Variants in KANK1 observed in about 807,000 individuals in gnomAD.
The protein encoded by KANK1 is KN motif and ankyrin repeat domain-containing protein 1.
Under a neutral mutation model 106.2 loss-of-function variants are expected in KANK1, and 109 were observed. The observed-to-expected ratio is 1.03, with a 90% CI of 0.88 to 1.20. The LOEUF (loss-of-function observed/expected upper bound fraction) is 1.20, where lower values mean the gene tolerates loss of function less well. KANK1 is among the 50% of genes most tolerant of loss of function. The pLI is 0.00. For synonymous variants in KANK1, 873 were observed against 652.2 expected, an observed-to-expected ratio of 1.34 and a Z score of -5.16; for missense variants, 2,399 against 1,710.7, an observed-to-expected ratio of 1.40 and a Z score of -7.10.
At chr9:695,898 T>C (rs1292929312) in intron 2 of KANK1, among the ~76,000 whole-genome samples, 1 of 152,176 alleles carries the variant, frequency 6.6e-6, no homozygotes, top group Non-Finnish European at 1.5e-5. Context: ...TCCTCTGTTA[T>C]ACTTATTCAT....
chr9:586,033 G>C (rs1322883511), intron 1 of KANK1, among the ~76,000 whole-genome samples: 3 of 152,142 alleles, frequency 2.0e-5, no homozygotes, highest in African/African-American at 7.2e-5. Context: ...CTGTAAGGTG[G>C]GATGGGAATA....
chr9:656,525 T>C (rs925458446), intron 1 of KANK1, among the ~76,000 whole-genome samples: 1 of 152,152 alleles, frequency 6.6e-6, no homozygotes, highest in African/African-American at 2.4e-5. Context: ...TCTGTGACCA[T>C]ACTGCTATTC....
intron 2 of KANK1, chr9:677,537 C>CTT (rs1404100553): frequency 2.0e-5 from 3 of 152,242 alleles, no homozygotes; most frequent in African/African-American, 7.2e-5. Context: ...ATATTAGAGA[C>CTT]TTACATAGTT....
chr9:712,072 TG>T lies in KANK1; in HGVS notation c.1307del (p.Cys436LeufsTer5). 1.2e-6 allele frequency: 2 copies of T among 1,614,046 alleles called. No individual in the cohort carries two copies. The highest frequency in any genetic ancestry group is 8.5e-7 in the Non-Finnish European group (1 of 1,180,006). Reference sequence around the variant, plus strand: ...AGGGACACTTGTTGAGATGAGAAATTGTGGGGTCAGCGTGACAGAGGCCATG... The same window carrying T: ...AGGGACACTTGTTGAGATGAGAAATTTGGGGTCAGCGTGACAGAGGCCATG... ...AVGTLVEMRN[C>X]GVSVTEAMLG... On this transcript the variant is annotated frameshift_variant, in exon 3 of 12. Transcript: ENST00000382297. LOFTEE classifies it high-confidence loss of function.
chr9:590,917 C>T (rs1282112840), intron 1 of KANK1, among the ~76,000 whole-genome samples: 1 of 151,734 alleles, frequency 6.6e-6, no homozygotes, highest in South Asian at 2.1e-4. Flanking sequence ...TACACATTGC[C>T]TGGAAGACTG....
rs1037775746 is a variant in KANK1 at position 521,193 on chromosome 9, C to T, written c.-84+16439C>T. 7.9e-5 allele frequency among the ~76,000 whole-genome samples: 12 copies of T among 151,662 alleles called. 1 individual carries two copies. The highest frequency in any genetic ancestry group is 2.0e-4 in the Admixed American group (3 of 15,260). ...TCATACATTGCTGTGAGGAACAGAA[C>T]GTTTGTGCCTCAATTGGTTATTCAC... On this transcript the variant is annotated intron_variant, in intron 1 of 11. Transcript: ENST00000382297.
chr9:738,404 C>G lies in KANK1; in HGVS notation c.3453C>G (p.Leu1151=). 6.2e-7 allele frequency: 1 copy of G among 1,614,160 alleles called. No individual in the cohort carries two copies. Among genetic ancestry groups the G allele is most frequent in the Non-Finnish European group, 8.5e-7 (1 of 1,180,026 alleles). The change falls in exon 8 of 12, where the codon CTC becomes CTG. Residue 1151 remains leucine (L), a synonymous_variant. Coordinates refer to ENST00000382297, the MANE Select transcript of KANK1 (RefSeq NM_015158.5). ...AAFEAISPDV[L]RYVINLADGN... ...TTGAGGCCATTTCCCCAGATGTCCTCCGCTATGTCATCAACTTGGCAGACG... is the reference window on the plus strand; with the variant it reads ...TTGAGGCCATTTCCCCAGATGTCCTGCGCTATGTCATCAACTTGGCAGACG...
chr9:607,759 A>G (rs1245039261), intron 1 of KANK1, among the ~76,000 whole-genome samples: 1 of 151,666 alleles, frequency 6.6e-6, no homozygotes, highest in African/African-American at 2.4e-5. Flanking sequence ...CTCCTAACTT[A>G]CTATGCTGGG....
intron 1 of KANK1, among the ~76,000 whole-genome samples, chr9:564,031 C>T (rs1257440932): frequency 6.6e-6 from 1 of 151,568 alleles, no homozygotes; most frequent in African/African-American, 2.4e-5. Flanking sequence ...TCGCGTCTGT[C>T]TCCTAGTGTC....
rs57171198 is a variant in KANK1, at chr9:529,220, AAT to A, written c.-84+24480_-84+24481del. On this transcript the variant is annotated intron_variant, in intron 1 of 11. Transcript: ENST00000382297. Reference sequence around the variant, plus strand: ...TCCTCCTTCCAGAGATAACTCTGTTAATATATATATATATACACACACACACA... The same window carrying A: ...TCCTCCTTCCAGAGATAACTCTGTTAATATATATATATACACACACACACA... 2.7e-3 allele frequency among the ~76,000 whole-genome samples: 392 copies of A among 144,204 alleles called. 5 individuals carry two copies. The highest frequency in any genetic ancestry group is 9.8e-3 in the African/African-American group (380 of 38,786). 94.6% of individuals were successfully genotyped at this position (144,204 alleles called of 152,430 possible).
At chr9:569,075 G>C (rs1252767984) in intron 1 of KANK1, among the ~76,000 whole-genome samples, 2 of 152,132 alleles carry the variant, frequency 1.3e-5, no homozygotes, top group Non-Finnish European at 2.9e-5. Context: ...TTGGGAGGCT[G>C]TTAGTGCAGA....
chr9:586,132 T>G (rs1333656805), intron 1 of KANK1, among the ~76,000 whole-genome samples: 2 of 152,244 alleles, frequency 1.3e-5, no homozygotes, highest in Non-Finnish European at 2.9e-5. Context: ...GATGTACTAG[T>G]TCCCATTTTA....
At chr9:669,478 T>C (rs1424357094) in intron 1 of KANK1, among the ~76,000 whole-genome samples, 1 of 151,968 alleles carries the variant, frequency 6.6e-6, no homozygotes, top group East Asian at 1.9e-4. Context: ...TTTCTGCTGT[T>C]TGCTGGATAA....
chr9:515,130 T>C (rs910772985), intron 1 of KANK1, among the ~76,000 whole-genome samples: 4 of 151,368 alleles, frequency 2.6e-5, no homozygotes, highest in African/African-American at 9.8e-5. Flanking sequence ...GATCATGAGG[T>C]CAGGAGATCA....
intron 3 of KANK1, among the ~76,000 whole-genome samples, chr9:728,929 G>T (rs551152708): frequency 6.6e-6 from 1 of 152,244 alleles, no homozygotes; most frequent in South Asian, 2.1e-4. Flanking sequence ...GCATTGATTT[G>T]TGTTTGCCTG....
At chr9:739,825 G>C (rs975780770) in intron 8 of KANK1, among the ~76,000 whole-genome samples, 4 of 151,976 alleles carry the variant, frequency 2.6e-5, no homozygotes, top group African/African-American at 7.3e-5. Flanking sequence ...TGTAGATCTA[G>C]GATGCTTCAG....
At chr9:611,391 T>A (rs1403320356) in intron 1 of KANK1, among the ~76,000 whole-genome samples, 1 of 152,148 alleles carries the variant, frequency 6.6e-6, no homozygotes, top group Non-Finnish European at 1.5e-5. Flanking sequence ...GTGTAGGACA[T>A]AGAAAAAAGT....
intron 1 of KANK1, among the ~76,000 whole-genome samples, chr9:666,438 A>AT (rs916524765): frequency 2.0e-5 from 3 of 150,914 alleles, no homozygotes; most frequent in Non-Finnish European, 4.4e-5. Flanking sequence ...GAACACCTTT[A>AT]TTTTTTTTTC....
Position 476,229 on chromosome 9 carries a change from C to G in KANK1, c.-362+2956C>G, listed in dbSNP as rs970198244. Among the ~76,000 whole-genome samples the G allele has an allele frequency of 2.6e-5, 4 of 152,084 alleles. No individual in the cohort carries two copies. In the South Asian group the frequency reaches 8.3e-4, roughly 32 times the overall value. Reference sequence around the variant, plus strand: ...GTATTAGCCAAACATGAACAAGATCCCAGGTGTTAGGCCGGGCGTGGTGGC... The same window carrying G: ...GTATTAGCCAAACATGAACAAGATCGCAGGTGTTAGGCCGGGCGTGGTGGC... On this transcript the variant is annotated intron_variant, in intron 3 of 15. Transcript: ENST00000382303.
Sources: gnomAD v4.1 joint callset for allele counts (sites outside exome capture counted in the v4.1 genomes callset) on GRCh38, gnomAD v4.1.1 for gene constraint, MANE v1.5 for transcripts, NCBI Gene and HGNC (gene_info 2026-07-23, HGNC 2026-07-21) for gene names.